The following XKR9 variants were observed in gnomAD, a reference collection of about 807,000 sequenced individuals.
The protein encoded by XKR9 is XK related 9, also known as XK-related protein 9.
Under a neutral mutation model 32.0 loss-of-function variants are expected in XKR9, and 32 were observed. The ratio of observed to expected loss-of-function variants is 1.00; its 90% CI spans 0.76 to 1.34. XKR9 has a LOEUF of 1.34. XKR9 is among the 40% of genes most tolerant of loss of function. The probability of loss-of-function intolerance (pLI) is 0.00; values close to 1 mark genes in which losing one functional copy is unlikely to be tolerated. For missense variants in XKR9, 546 were observed against 429.7 expected (o/e 1.27, Z -2.39); for synonymous variants, 168 against 143.4 (o/e 1.17, Z -1.22).
chr8:70,921,654 A>T, the XKR9 span, among the ~76,000 whole-genome samples: 2 of 152,228 alleles, frequency 1.3e-5, no homozygotes, highest in African/African-American at 4.8e-5. Context: ...TCCTGTCAAA[A>T]ATGTGATGGG....
rs1457873429 is a variant in XKR9, at chr8:70,775,191, A to T, written n.353-14148A>T. Among the ~76,000 whole-genome samples the T allele has an allele frequency of 2.0e-5, 3 of 152,092 alleles. No individual in the cohort carries two copies. In the South Asian group the frequency reaches 6.2e-4, roughly 31 times the overall value. ...TGATTTTGTATCCTGCAAATTTGCT[A>T]AGTTTGGTTCTTAATTCTAGTCACT... is the stretch of plus-strand genomic sequence containing the variant. On this transcript the variant is annotated intron_variant and non_coding_transcript_variant, in intron 2 of 3. Transcript: ENST00000520273.
chr8:70,693,415 A>G (rs550992960), intron 3 of XKR9, among the ~76,000 whole-genome samples: 48 of 152,180 alleles, frequency 3.2e-4, no homozygotes, highest in Admixed American at 4.6e-4. Flanking sequence ...TGGCTTCCCT[A>G]TGTTTCCTCA....
the XKR9 span, among the ~76,000 whole-genome samples, chr8:71,053,056 G>A: frequency 6.6e-6 from 1 of 152,218 alleles, no homozygotes; most frequent in Non-Finnish European, 1.5e-5. Flanking sequence ...AAAGGTATAG[G>A]TAAGAGCTAG....
At chr8:70,748,080 A>C (rs1807082944) in intron 2 of XKR9, among the ~76,000 whole-genome samples, 1 of 152,216 alleles carries the variant, frequency 6.6e-6, no homozygotes, top group Admixed American at 6.5e-5. Context: ...CACATGTACG[A>C]GATAGCAACA....
At chr8:70,890,318 G>A in the XKR9 span, among the ~76,000 whole-genome samples, 18 of 151,768 alleles carry the variant, frequency 1.2e-4, no homozygotes, top group Non-Finnish European at 2.2e-4. Flanking sequence ...TTGTCTAATT[G>A]CTGTGGCAAG....
chr8:70,888,126 AG>A, the XKR9 span, among the ~76,000 whole-genome samples: 1 of 152,048 alleles, frequency 6.6e-6, no homozygotes, highest in African/African-American at 2.4e-5. Context: ...ATCACACTAT[AG>A]TGTTATAAAC....
chr8:70,725,356 A>ATG (rs1194900235), intron 4 of XKR9, among the ~76,000 whole-genome samples: 1 of 152,146 alleles, frequency 6.6e-6, no homozygotes, highest in Non-Finnish European at 1.5e-5. Context: ...GTGTGTATAT[A>ATG]TGTGTGTATG....
chr8:71,016,837 C>CT, the XKR9 span, among the ~76,000 whole-genome samples: 1,762 of 149,702 alleles, frequency 0.012, 24 homozygotes, highest in African/African-American at 0.036. Flanking sequence ...GTCATATGCT[C>CT]TTTTTTTTTT....
At chr8:70,792,069 C>T (rs990976867), downstream of XKR9, among the ~76,000 whole-genome samples, 12 of 152,028 alleles carry the variant, frequency 7.9e-5, no homozygotes, top group Non-Finnish European at 1.3e-4. Flanking sequence ...ATCAGTTATT[C>T]GATCTTCAGT....
chr8:70,823,766 A>G, the XKR9 span, among the ~76,000 whole-genome samples: 2 of 152,254 alleles, frequency 1.3e-5, no homozygotes, highest in African/African-American at 4.8e-5. Context: ...GAACTTTTAG[A>G]TGGCCAAGGT....
chr8:70,679,027 C>T (rs1216022443), intron 2 of XKR9, among the ~76,000 whole-genome samples: 1 of 152,182 alleles, frequency 6.6e-6, no homozygotes, highest in Non-Finnish European at 1.5e-5. Flanking sequence ...AGTCCAAGAT[C>T]ATTGTGCCAG....
chr8:70,911,312 C>T, the XKR9 span, among the ~76,000 whole-genome samples: 1 of 152,176 alleles, frequency 6.6e-6, no homozygotes, highest in Non-Finnish European at 1.5e-5. Flanking sequence ...TCATTTTCAA[C>T]ATCTTGCTTA....
the XKR9 span, among the ~76,000 whole-genome samples, chr8:70,811,446 A>G: frequency 2.0e-5 from 3 of 152,218 alleles, no homozygotes; most frequent in African/African-American, 7.2e-5. Flanking sequence ...AAATCAGAGC[A>G]GAACTGAAGG....
chr8:70,737,449 A>G (rs2130150580), downstream of XKR9, among the ~76,000 whole-genome samples: 1 of 148,574 alleles, frequency 6.7e-6, no homozygotes, highest in East Asian at 1.9e-4. Flanking sequence ...TCCTGATTGA[A>G]TACCCTTTAT....
At chr8:70,817,215 A>G in the XKR9 span, among the ~76,000 whole-genome samples, 78 of 152,288 alleles carry the variant, frequency 5.1e-4, no homozygotes, top group Admixed American at 1.2e-3. Context: ...GTGATTCTAT[A>G]TGTAGAAAAC....
At chr8:71,064,730 C>T in the XKR9 span, among the ~76,000 whole-genome samples, 15 of 151,940 alleles carry the variant, frequency 9.9e-5, no homozygotes, top group South Asian at 2.1e-4. Flanking sequence ...GGTGCATATG[C>T]GAACAGATGA....
the XKR9 span, among the ~76,000 whole-genome samples, chr8:70,895,116 T>C: frequency 6.6e-6 from 1 of 152,148 alleles, no homozygotes; most frequent in African/African-American, 2.4e-5. Flanking sequence ...GTGAGTTCTC[T>C]AGGTGTCCAA....
chr8:70,740,010 G>T (rs1411261861), downstream of XKR9, among the ~76,000 whole-genome samples: 1 of 152,048 alleles, frequency 6.6e-6, no homozygotes, highest in Non-Finnish European at 1.5e-5. Context: ...TGTGAATGTT[G>T]GCCTGCCTTG....
chr8:71,006,182 A>G, the XKR9 span, among the ~76,000 whole-genome samples: 1 of 152,258 alleles, frequency 6.6e-6, no homozygotes, highest in Non-Finnish European at 1.5e-5. Flanking sequence ...GAGAGTGGAC[A>G]TTGACATTAT....
Sources: allele counts gnomAD v4.1 joint callset (sites outside exome capture counted in the v4.1 genomes callset), GRCh38; gene constraint gnomAD v4.1.1; transcripts MANE v1.5; gene names NCBI Gene and HGNC (gene_info 2026-07-23, HGNC 2026-07-21).